USP32: variants seen among roughly 807,000 people sequenced by gnomAD.
USP32 encodes ubiquitin carboxyl-terminal hydrolase 32.
A neutral mutation model predicts 204.8 loss-of-function variants in USP32; 59 were observed. The observed-to-expected ratio is 0.29, with a 90% CI of 0.23 to 0.36. USP32 has a LOEUF of 0.36. USP32 is among the 10% of genes least tolerant of loss of function. The pLI is 1.00. For missense variants in USP32, 1,160 were observed against 1,946.4 expected (o/e 0.60, Z 7.60); for synonymous variants, 517 against 678.4 (o/e 0.76, Z 3.70).
At chr17:60,334,643 G>A (rs2088473579) in intron 2 of USP32, among the ~76,000 whole-genome samples, 1 of 142,958 alleles carries the variant, frequency 7.0e-6, no homozygotes, top group East Asian at 1.9e-4. Flanking sequence ...AGTGAGCCGA[G>A]ATCGCGCCAC....
chr17:60,246,085 G>T (rs1325256078), intron 11 of USP32, among the ~76,000 whole-genome samples: 1 of 151,608 alleles, frequency 6.6e-6, no homozygotes, highest in Non-Finnish European at 1.5e-5. Flanking sequence ...TTTAACTATA[G>T]TTACCCTACT....
At chr17:60,283,092 T>C (rs1038803944) in intron 5 of USP32, among the ~76,000 whole-genome samples, 2 of 152,204 alleles carry the variant, frequency 1.3e-5, no homozygotes, top group Admixed American at 6.5e-5. Flanking sequence ...TGGACAAGCA[T>C]GACAGAAAAG....
chr17:60,411,011 T>C (rs1159934343), intron 1 of USP32, among the ~76,000 whole-genome samples: 9 of 138,440 alleles, frequency 6.5e-5, no homozygotes, highest in Non-Finnish European at 1.2e-4. Context: ...CCTTCACCTC[T>C]ACAAAAAAAA....
chr17:60,363,942 CTAAAG>C (rs2089263969), intron 1 of USP32, among the ~76,000 whole-genome samples: 1 of 152,158 alleles, frequency 6.6e-6, no homozygotes, highest in South Asian at 2.1e-4. Flanking sequence ...TTCAGCTTCC[CTAAAG>C]TAATCAGTGA....
At chr17:60,272,707 AT>A (rs2086751228) in intron 5 of USP32, among the ~76,000 whole-genome samples, 1 of 152,118 alleles carries the variant, frequency 6.6e-6, no homozygotes, top group East Asian at 1.9e-4. Flanking sequence ...ATTACCCTGG[AT>A]TTTTTCCCCA....
At chr17:60,412,948 C>T (rs184742377) in intron 1 of USP32, among the ~76,000 whole-genome samples, 9 of 152,180 alleles carry the variant, frequency 5.9e-5, no homozygotes, top group East Asian at 1.9e-4. Context: ...TTTAGAAACA[C>T]GCTCTAAAGT....
intron 10 of USP32, among the ~76,000 whole-genome samples, chr17:60,254,653 T>C (rs999509186): frequency 6.6e-6 from 1 of 152,090 alleles, no homozygotes; most frequent in South Asian, 2.1e-4. Context: ...GAGCCATGCT[T>C]GCACCACAGC....
At chr17:60,313,600 G>A (rs903395732) in intron 2 of USP32, among the ~76,000 whole-genome samples, 1 of 151,900 alleles carries the variant, frequency 6.6e-6, no homozygotes, top group Non-Finnish European at 1.5e-5. Flanking sequence ...ATTAGAAAGC[G>A]GAATAGTACC....
intron 1 of USP32, among the ~76,000 whole-genome samples, chr17:60,378,400 G>C (rs565106687): frequency 3.7e-4 from 57 of 152,158 alleles, no homozygotes; most frequent in Non-Finnish European, 4.3e-4. Context: ...TTCCTTAAAG[G>C]GTTAAATATA....
In USP32 at chr17:60,207,017, T is replaced by C. The variant is rs1423208683; in HGVS notation, c.3037+4A>G. 1 of 1,611,534 alleles carries C rather than the reference T, an allele frequency of 6.2e-7. No individual in the cohort carries two copies. The highest frequency in any genetic ancestry group is 1.3e-5 in the African/African-American group (1 of 74,804). Reference sequence around the variant, plus strand: ...CATGAGAAGGAGTTCTAGTTCTATCTTACCTGTCTGTGTTGGACTAGAAGC... The same window carrying C: ...CATGAGAAGGAGTTCTAGTTCTATCCTACCTGTCTGTGTTGGACTAGAAGC... On this transcript the variant is annotated splice_donor_region_variant and intron_variant, in intron 25 of 33. Coordinates refer to ENST00000300896, the MANE Select transcript of USP32 (RefSeq NM_032582.4).
In USP32 at chr17:60,266,010, T is replaced by G; in HGVS notation, c.893A>C (p.Glu298Ala). ...ATCAGTGCGGTTGTCCTTCCAGACT[T>G]CTAAAAGTGCAACCACCATGTCTCT... ...ELRDMVVALL[E>A]VWKDNRTDDI... The change falls in exon 8 of 34, where the codon GAA (glutamate) becomes GCA (alanine). Residue 298 changes from glutamate to alanine, a missense_variant. Glu to Ala is a moderately radical substitution (Grantham distance 107, BLOSUM62 -1). Around this residue, in one of 8 missense-constraint regions of USP32, gnomAD observed 536 missense variants for 680.9 expected, o/e 0.79. Coordinates refer to ENST00000300896, the MANE Select transcript of USP32 (RefSeq NM_032582.4). 6.2e-7 allele frequency: 1 copy of G among 1,614,066 alleles called. No individual in the cohort carries two copies. The highest frequency in any genetic ancestry group is 8.5e-7 in the Non-Finnish European group (1 of 1,179,964).
At chr17:60,224,651 T>C (rs1314309449) in intron 13 of USP32, among the ~76,000 whole-genome samples, 1 of 152,166 alleles carries the variant, frequency 6.6e-6, no homozygotes. Context: ...TGTGTGGCAG[T>C]GTACACCTGT....
At chr17:60,387,746 A>G (rs997448304) in intron 1 of USP32, among the ~76,000 whole-genome samples, 1 of 152,188 alleles carries the variant, frequency 6.6e-6, no homozygotes, top group Non-Finnish European at 1.5e-5. Context: ...TAATACACCA[A>G]ATTTACTGAA....
At chr17:60,396,517 C>T (rs1418278129), upstream of USP32, among the ~76,000 whole-genome samples, 4 of 152,188 alleles carry the variant, frequency 2.6e-5, no homozygotes, top group African/African-American at 7.2e-5. Flanking sequence ...AATTTCTCCT[C>T]TCTGTTGATC....
chr17:60,248,957 G>GTGTTT (rs1438870796), intron 11 of USP32: 1 of 152,180 alleles, frequency 6.6e-6, no homozygotes, highest in African/African-American at 2.4e-5. Flanking sequence ...GAACCCCTGT[G>GTGTTT]TGTTTTGTTT....
chr17:60,213,955 T>C (rs948725522), intron 17 of USP32, among the ~76,000 whole-genome samples: 1 of 151,946 alleles, frequency 6.6e-6, no homozygotes, highest in Non-Finnish European at 1.5e-5. Flanking sequence ...GTTTTTTTTT[T>C]TTTTAAAGAT....
chr17:60,308,579 A>T (rs1489208264), intron 2 of USP32, among the ~76,000 whole-genome samples: 1 of 152,196 alleles, frequency 6.6e-6, no homozygotes, highest in East Asian at 1.9e-4. Context: ...ACAATGGGGG[A>T]AAGAACAGTC....
At chr17:60,413,359 C>T (rs1472536853) in intron 1 of USP32, among the ~76,000 whole-genome samples, 1 of 152,086 alleles carries the variant, frequency 6.6e-6, no homozygotes, top group African/African-American at 2.4e-5. Flanking sequence ...GAGCTGGCAG[C>T]TCATACTTAA....
chr17:60,398,604 A>G (rs2089914769), intron 1 of USP32, among the ~76,000 whole-genome samples: 1 of 152,178 alleles, frequency 6.6e-6, no homozygotes, highest in East Asian at 1.9e-4. Flanking sequence ...CAAATAGTTC[A>G]TTTTAATATT....
Sources: allele counts gnomAD v4.1 joint callset (sites outside exome capture counted in the v4.1 genomes callset), GRCh38; gene constraint gnomAD v4.1.1; regional missense constraint gnomAD v4.1.1; transcripts MANE v1.5; gene names NCBI Gene and HGNC (gene_info 2026-07-23, HGNC 2026-07-21).